The following PSMF1 variants were observed in gnomAD, a reference collection of about 807,000 sequenced individuals.
The protein encoded by PSMF1 is proteasome inhibitor PI31 subunit.
A neutral mutation model predicts 29.3 loss-of-function variants in PSMF1; 30 were observed. The observed-to-expected ratio is 1.02, with a 90% CI of 0.77 to 1.39. PSMF1 has a LOEUF of 1.39. Among genes scored for constraint, PSMF1 ranks in the 40% most tolerant of loss-of-function variants. The probability of loss-of-function intolerance (pLI) is 0.00; values close to 1 mark genes in which losing one functional copy is unlikely to be tolerated. For synonymous variants in PSMF1, 134 were observed against 139.7 expected, an observed-to-expected ratio of 0.96 and a Z score of 0.29; for missense variants, 344 against 357.5, an observed-to-expected ratio of 0.96 and a Z score of 0.31.
rs992737903 is a variant in PSMF1 at position 1,167,953 on chromosome 20, A to G, written c.*2873A>G. 1 of 152,210 alleles carries G rather than the reference A, an allele frequency of 6.6e-6. No homozygotes were observed. The highest frequency in any genetic ancestry group is 2.4e-5 in the African/African-American group (1 of 41,454). 9.4% of individuals were successfully genotyped at this position (152,210 alleles called of 1,614,324 possible). On this transcript the variant is annotated 3_prime_UTR_variant, in exon 7 of 7. Transcript: ENST00000335877. ...GGAAGCTGCACCATTTTACATTTCC[A>G]CTGGTAATTTATGAGGGTTCCAGTT...
In PSMF1 at chr20:1,166,228, C is replaced by T. The variant is rs775092672; in HGVS notation, c.*1148C>T. 3.7e-6 allele frequency: 6 copies of T among 1,612,486 alleles called. No individual in the cohort carries two copies. The East Asian group carries it at 1.3e-4, about 36-fold the overall frequency. The stretch of plus-strand genomic sequence containing the variant: ...TGGTGTTCTCCGGATCCTTTTCAGC[C>T]CGAGGCCTGACAGACGCGGGCAGTG... On this transcript the variant is annotated 3_prime_UTR_variant, in exon 7 of 7. Transcript: ENST00000335877.
At chr20:1,160,444 C>A (rs2086652023) in intron 4 of PSMF1, 1 of 169,356 alleles carries the variant, frequency 5.9e-6, no homozygotes, top group Non-Finnish European at 1.3e-5. Context: ...AATTTAAATT[C>A]TTTATTTAAA....
chr20:1,121,234 C>A (rs2086083145), intron 1 of PSMF1, among the ~76,000 whole-genome samples: 1 of 151,992 alleles, frequency 6.6e-6, no homozygotes, highest in Non-Finnish European at 1.5e-5. Flanking sequence ...GAAAAAGATG[C>A]TGGTTTCAGA....
chr20:1,133,392 G>A lies in PSMF1; in HGVS notation c.366-1729G>A, dbSNP rs192395260. 3.1e-3 allele frequency among the ~76,000 whole-genome samples: 470 copies of A among 150,556 alleles called. 1 individual carries two copies. The highest frequency in any genetic ancestry group is 3.5e-3 in the Middle Eastern group (1 of 284). On this transcript the variant is annotated intron_variant, in intron 3 of 6. Coordinates refer to ENST00000335877, the MANE Select transcript of PSMF1 (RefSeq NM_006814.5). ...ATAGCTTATTGATATGGTAGATTAC[G>A]TTGATTGATTTGTGACTATTAACCA...
rs75551064 is a variant in PSMF1 at position 1,154,510 on chromosome 20, C to T, written c.552-8620C>T. Among the ~76,000 whole-genome samples, 1,310 of 152,282 alleles carry T rather than the reference C, an allele frequency of 8.6e-3. 8 individuals carry two copies. The highest frequency in any genetic ancestry group is 0.014 in the Non-Finnish European group (933 of 68,024). On this transcript the variant is annotated intron_variant, in intron 4 of 6. Transcript: ENST00000335877. ...TTTGCAGTTATCAGCATCTTCATTT[C>T]CCCAATTCTAAGTTTCCACTCTTAG...
At chr20:1,121,504 A>T (rs967943195) in intron 1 of PSMF1, among the ~76,000 whole-genome samples, 2 of 151,920 alleles carry the variant, frequency 1.3e-5, no homozygotes, top group African/African-American at 4.8e-5. Context: ...CATCTTTCCT[A>T]TTAGTTTATT....
At chr20:1,161,599 C>G in intron 4 of PSMF1, 2 of 656,410 alleles carry the variant, frequency 3.0e-6, no homozygotes. Flanking sequence ...GGATCAGCAG[C>G]TCCATCCTGG....
chr20:1,118,839 C>T lies in PSMF1; in HGVS notation c.66C>T (p.Leu22=), dbSNP rs773678648. The T allele has an allele frequency of 3.1e-6, 5 of 1,613,574 alleles. No individual in the cohort carries two copies. Among genetic ancestry groups the T allele is most frequent in the South Asian group, 2.2e-5 (2 of 91,072 alleles). ...APAITCRQDA[L]VCFLHWEVVT... is the part of the protein sequence containing the mutation. Reference sequence around the variant, plus strand: ...CCATCACCTGCAGGCAGGACGCGCTCGTCTGCTTCTTGCATTGGGAAGTGG... The same window carrying T: ...CCATCACCTGCAGGCAGGACGCGCTTGTCTGCTTCTTGCATTGGGAAGTGG... The change falls in exon 1 of 7, where the codon CTC becomes CTT. Residue 22 remains leucine, a synonymous_variant. Transcript: ENST00000335877.
At position 1,118,779 on chromosome 20, in the gene PSMF1, G is replaced by A. The variant is rs1473144897; in HGVS notation, c.6G>A (p.Ala2=). Residue 2 remains alanine, a synonymous_variant, in exon 1 of 7, where the codon GCG becomes GCA. Transcript: ENST00000335877. ...CGCCGAAGTCGCGGGCGCTCATGGC[G>A]GGCCTGGAGGTACTGTTCGCATCGG... The part of the protein sequence containing the change: M[A]GLEVLFASAA... 2 of 1,609,188 alleles carry A rather than the reference G, an allele frequency of 1.2e-6. No individual in the cohort carries two copies. The highest frequency in any genetic ancestry group is 3.3e-5 in the Admixed American group (2 of 59,754).
rs1291520940 is a variant in PSMF1, at chr20:1,163,143, G to A, written c.565G>A (p.Gly189Ser). The change falls in exon 5 of 7, where the codon GGC becomes AGC. Residue 189 changes from glycine (G) to serine (S), a missense_variant. Transcript: ENST00000335877. The surrounding 1 kb of genome is among the most constrained non-coding windows in gnomAD (Gnocchi z 6.1). ...TGTTTGTTTCAGGTGTGATCCCCTG[G>A]GCCCGTTTGTTGTCGGGGGAGAAGA... ...SRQPPWCDPL[G>S]PFVVGGEDLD... The A allele has an allele frequency of 5.6e-6, 9 of 1,614,140 alleles. No individual in the cohort carries two copies. In the South Asian group the frequency reaches 9.9e-5, roughly 18 times the overall value.
chr20:1,136,237 A>G (rs1369030960), intron 4 of PSMF1, among the ~76,000 whole-genome samples: 1 of 152,196 alleles, frequency 6.6e-6, no homozygotes, highest in African/African-American at 2.4e-5. Context: ...TTATTTTACC[A>G]AAGGGAATAG....
Position 1,165,822 on chromosome 20 carries a change from C to T in PSMF1, c.*742C>T. 9.3e-7 allele frequency: 1 copy of T among 1,078,860 alleles called. No homozygotes were observed. Among genetic ancestry groups the T allele is most frequent in the Non-Finnish European group, 1.1e-6 (1 of 885,380 alleles). The allele number at this position is 1,078,860 out of a possible 1,614,324, so 66.8% of individuals were successfully genotyped here. A position where few individuals can be genotyped will look rare whatever the true frequency, so the allele number is the denominator to read the frequency against. The stretch of plus-strand genomic sequence containing the variant: ...CCATCTGTGCATGGGCAGCAGTAGT[C>T]AAAAAGCCAAGGAAAAAACAGAGCA... On this transcript the variant is annotated 3_prime_UTR_variant, in exon 7 of 7. Coordinates refer to ENST00000335877, the MANE Select transcript of PSMF1 (RefSeq NM_006814.5).
intron 4 of PSMF1, among the ~76,000 whole-genome samples, chr20:1,159,918 C>T (rs1234347436): frequency 6.6e-6 from 1 of 152,142 alleles, no homozygotes; most frequent in East Asian, 1.9e-4. Flanking sequence ...TACCTGTAAG[C>T]TTAGATTAGC....
intron 4 of PSMF1, among the ~76,000 whole-genome samples, chr20:1,147,179 C>CATCGT (rs869221637): frequency 1.5e-4 from 19 of 126,168 alleles, no homozygotes; most frequent in Middle Eastern, 7.9e-3. Flanking sequence ...ATCATCATCA[C>CATCGT]CACCCTGTGT....
intron 1 of PSMF1, among the ~76,000 whole-genome samples, chr20:1,121,814 A>G (rs2086091209): frequency 6.6e-6 from 1 of 152,224 alleles, no homozygotes; most frequent in Non-Finnish European, 1.5e-5. Flanking sequence ...CAAAAATCCA[A>G]TACTTGAATT....
Position 1,164,532 on chromosome 20 carries a change from T to C in PSMF1, c.764+56T>C. ...AGGACCTGATGGCAGCTTGGTTCAGTGTGGCAGCAATGAAGGTTTCTAGCC... is the reference window on the plus strand; with the variant it reads ...AGGACCTGATGGCAGCTTGGTTCAGCGTGGCAGCAATGAAGGTTTCTAGCC... On this transcript the variant is annotated intron_variant, in intron 6 of 6. Coordinates refer to ENST00000335877, the MANE Select transcript of PSMF1 (RefSeq NM_006814.5). This position sits in a 1 kb window ranked among gnomAD's most constrained non-coding sequence, Gnocchi z 4.1. 9 of 1,597,008 alleles carry C rather than the reference T, an allele frequency of 5.6e-6. No homozygotes were observed. Among genetic ancestry groups the C allele is most frequent in the South Asian group, 1.1e-5 (1 of 90,438 alleles).
chr20:1,158,561 C>A (rs1054785121), intron 4 of PSMF1, among the ~76,000 whole-genome samples: 2 of 152,182 alleles, frequency 1.3e-5, no homozygotes, highest in African/African-American at 2.4e-5. Context: ...GTGTGCCCAA[C>A]GAGGTGTGTT....
At chr20:1,134,956 C>T in intron 3 of PSMF1, 165 bp from the exon 4 acceptor site, 2 of 731,256 alleles carry the variant, frequency 2.7e-6, no homozygotes, top group Non-Finnish European at 4.9e-6. Context: ...CTGTTGCCCC[C>T]CTCACCCAGG....
In PSMF1 at chr20:1,170,180, C is replaced by G. The variant is rs977204735; in HGVS notation, c.*5100C>G. ...ATCACCTGGGAACCTGTTACACATG[C>G]AGAATCTCAAGCCCCACCCCAGACA... On this transcript the variant is annotated 3_prime_UTR_variant, in exon 7 of 7. Transcript: ENST00000335877. Among the ~76,000 whole-genome samples, 2 of 152,220 alleles carry G rather than the reference C, an allele frequency of 1.3e-5. No homozygotes were observed. The highest frequency in any genetic ancestry group is 6.5e-5 in the Admixed American group (1 of 15,294).
Sources: allele counts gnomAD v4.1 joint callset (sites outside exome capture counted in the v4.1 genomes callset), GRCh38; gene constraint gnomAD v4.1.1; non-coding constraint Gnocchi (gnomAD v3.1); transcripts MANE v1.5; gene names NCBI Gene and HGNC (gene_info 2026-07-23, HGNC 2026-07-21).